The following UGT1A8 variants were observed in gnomAD, a reference collection of about 807,000 sequenced individuals.
UGT1A8 encodes UDP-glucuronosyltransferase 1A8.
Under a neutral mutation model 45.3 loss-of-function variants are expected in UGT1A8, and 39 were observed. That is an observed-to-expected ratio of 0.86 (90% CI 0.67 to 1.12). UGT1A8 has a LOEUF of 1.12. UGT1A8 is among the 50% of genes most tolerant of loss of function. The pLI, the probability that UGT1A8 is intolerant of heterozygous loss-of-function variation, is 0.00. For synonymous variants in UGT1A8, 275 were observed against 249.2 expected, an observed-to-expected ratio of 1.10 and a Z score of -0.97; for missense variants, 719 against 664.9, an observed-to-expected ratio of 1.08 and a Z score of -0.90.
intron 1 of UGT1A8, among the ~76,000 whole-genome samples, chr2:233,661,911 G>A (rs187702837): frequency 7.2e-5 from 11 of 152,036 alleles, no homozygotes; most frequent in Non-Finnish European, 1.3e-4. Flanking sequence ...CAATGCATGA[G>A]AACTGTGAGA....
chr2:233,768,873 C>T (rs952377610), intron 4 of UGT1A8, among the ~76,000 whole-genome samples: 1 of 151,950 alleles, frequency 6.6e-6, no homozygotes, highest in African/African-American at 2.4e-5. Flanking sequence ...CATGAGCCAG[C>T]GCGTCTGACC....
chr2:233,725,058 G>A (rs1228937957), intron 1 of UGT1A8, among the ~76,000 whole-genome samples: 11 of 147,492 alleles, frequency 7.5e-5, no homozygotes, highest in East Asian at 4.2e-4. Flanking sequence ...GTGGCGGCGC[G>A]CGCCTGCAAT....
chr2:233,734,899 T>C (rs182449879), intron 1 of UGT1A8, among the ~76,000 whole-genome samples: 2 of 152,328 alleles, frequency 1.3e-5, no homozygotes, highest in East Asian at 3.9e-4. Flanking sequence ...TGATTTCTAT[T>C]CTTTTACATT....
intron 1 of UGT1A8, among the ~76,000 whole-genome samples, chr2:233,681,530 C>CAAAAA (rs747693860): frequency 1.3e-5 from 1 of 77,714 alleles, no homozygotes; most frequent in Non-Finnish European, 2.5e-5. Context: ...GACTCCATCT[C>CAAAAA]AAAAAAAAAA....
intron 1 of UGT1A8, among the ~76,000 whole-genome samples, chr2:233,686,736 G>A (rs1365120350): frequency 6.6e-6 from 1 of 152,116 alleles, no homozygotes; most frequent in Non-Finnish European, 1.5e-5. Flanking sequence ...TCAACCTCTT[G>A]CCTTCCCTAG....
chr2:233,762,466 T>C (rs377017824), intron 1 of UGT1A8, among the ~76,000 whole-genome samples: 5 of 152,354 alleles, frequency 3.3e-5, no homozygotes, highest in African/African-American at 9.6e-5. Context: ...GATAATGTCA[T>C]GGATATCACT....
chr2:233,682,303 A>G (rs953651493), intron 1 of UGT1A8: 16 of 1,613,966 alleles, frequency 9.9e-6, no homozygotes, highest in Non-Finnish European at 1.2e-5. Context: ...TATTTTTTTC[A>G]AATTGCAGGA....
chr2:233,681,820 T>C, intron 1 of UGT1A8: 1 of 1,500,444 alleles, frequency 6.7e-7, no homozygotes, highest in Non-Finnish European at 8.9e-7. Flanking sequence ...AATTTTTTTT[T>C]AAATGAATGA....
At position 233,664,764 on chromosome 2, in the gene UGT1A8, A is replaced by G. The variant is rs149123276; in HGVS notation, c.855+46202A>G. Reference sequence around the variant, plus strand: ...CCAACATTGGGTATCATATTTCAACATGAGATTTGGGTGGGGACAAATATC... The same window carrying G: ...CCAACATTGGGTATCATATTTCAACGTGAGATTTGGGTGGGGACAAATATC... On this transcript the variant is annotated intron_variant, in intron 1 of 4. Coordinates refer to ENST00000373450, the MANE Select transcript of UGT1A8 (RefSeq NM_019076.5). 2.6e-4 allele frequency among the ~76,000 whole-genome samples: 39 copies of G among 152,296 alleles called. 1 individual carries two copies. Among genetic ancestry groups the G allele is most frequent in the Middle Eastern group, 3.4e-3 (1 of 294 alleles).
chr2:233,662,429 G>A (rs1244832889), intron 1 of UGT1A8, among the ~76,000 whole-genome samples: 1 of 152,080 alleles, frequency 6.6e-6, no homozygotes, highest in Non-Finnish European at 1.5e-5. Context: ...CAACACCGTT[G>A]AAACTCTTAA....
At chr2:233,647,388 T>C (rs2073632751) in intron 1 of UGT1A8, among the ~76,000 whole-genome samples, 1 of 152,234 alleles carries the variant, frequency 6.6e-6, no homozygotes, top group Non-Finnish European at 1.5e-5. Flanking sequence ...ATTGTGGTAA[T>C]GTTGGTCTCA....
intron 1 of UGT1A8, chr2:233,729,771 C>A: frequency 6.2e-7 from 1 of 1,613,970 alleles, no homozygotes; most frequent in Non-Finnish European, 8.5e-7. Flanking sequence ...AGAACATGCT[C>A]TACCCTCTGG....
chr2:233,639,564 G>A lies in UGT1A8; in HGVS notation c.855+21002G>A, dbSNP rs1823804. The stretch of plus-strand genomic sequence containing the variant: ...GTCTCATCTGTCTGATGAGAAGGAA[G>A]CATTACTTGATGATAGAGTATGTGT... On this transcript the variant is annotated intron_variant, in intron 1 of 4. Coordinates refer to ENST00000373450, the MANE Select transcript of UGT1A8 (RefSeq NM_019076.5). Among the ~76,000 whole-genome samples, 385 of 152,336 alleles carry A rather than the reference G, an allele frequency of 2.5e-3. 1 individual carries two copies. Among genetic ancestry groups the A allele is most frequent in the African/African-American group, 8.6e-3 (357 of 41,580 alleles).
At chr2:233,678,428 A>G (rs2074416799) in intron 1 of UGT1A8, among the ~76,000 whole-genome samples, 1 of 152,224 alleles carries the variant, frequency 6.6e-6, no homozygotes, top group East Asian at 1.9e-4. Flanking sequence ...TCAGGGTGGC[A>G]GAGGCAGAAG....
rs1373698979 is a variant in UGT1A8, at chr2:233,678,539, A to T, written c.855+59977A>T. 2.6e-5 allele frequency among the ~76,000 whole-genome samples: 4 copies of T among 152,308 alleles called. No homozygotes were observed. The East Asian group carries it at 7.7e-4, about 29-fold the overall frequency. ...CTGTCTGTTTTTTTCTCTTTGATGT[A>T]TTTAAAAATGCTTTTATACAGTACT... On this transcript the variant is annotated intron_variant, in intron 1 of 4. Transcript: ENST00000373450.
chr2:233,661,414 G>T (rs2073960809), intron 1 of UGT1A8, among the ~76,000 whole-genome samples: 1 of 152,092 alleles, frequency 6.6e-6, no homozygotes, highest in African/African-American at 2.4e-5. Context: ...CAGTTTCTCA[G>T]TAAGACCTTT....
intron 1 of UGT1A8, among the ~76,000 whole-genome samples, chr2:233,627,255 A>G (rs2073100563): frequency 6.6e-6 from 1 of 151,912 alleles, no homozygotes; most frequent in Non-Finnish European, 1.5e-5. Context: ...CCCCTCAATA[A>G]TTATCTTCAT....
intron 1 of UGT1A8, among the ~76,000 whole-genome samples, chr2:233,759,961 C>T (rs1009122794): frequency 6.6e-6 from 1 of 152,158 alleles, no homozygotes; most frequent in Non-Finnish European, 1.5e-5. Context: ...ACATAGTCGT[C>T]CTTCTTCCTC....
intron 1 of UGT1A8, chr2:233,717,933 C>G (rs1291638517): frequency 2.2e-6 from 1 of 454,480 alleles, no homozygotes; most frequent in Non-Finnish European, 4.4e-6. Context: ...ATACTTCAGT[C>G]TCTATGCAGA....
Sources: allele counts gnomAD v4.1 joint callset (sites outside exome capture counted in the v4.1 genomes callset), GRCh38; gene constraint gnomAD v4.1.1; transcripts MANE v1.5; gene names NCBI Gene and HGNC (gene_info 2026-07-23, HGNC 2026-07-21).